The following P4HA2 variants were observed in gnomAD, a reference collection of about 807,000 sequenced individuals.
P4HA2 encodes prolyl 4-hydroxylase subunit alpha 2, also known as prolyl 4-hydroxylase subunit alpha-2.
Under a neutral mutation model 76.9 loss-of-function variants are expected in P4HA2, and 46 were observed. The ratio of observed to expected loss-of-function variants is 0.60; its 90% CI spans 0.47 to 0.76. The LOEUF (loss-of-function observed/expected upper bound fraction) is 0.76, where lower values mean the gene tolerates loss of function less well. Among genes scored for constraint, P4HA2 ranks in the 30% least tolerant of loss-of-function variants. The probability of loss-of-function intolerance (pLI) is 0.00; values close to 1 mark genes in which losing one functional copy is unlikely to be tolerated. For missense variants in P4HA2, 583 were observed against 669.4 expected, an observed-to-expected ratio of 0.87 and a Z score of 1.42; for synonymous variants, 243 against 254.0, an observed-to-expected ratio of 0.96 and a Z score of 0.41.
chr5:132,201,059 C>G (rs1389912047), intron 10 of P4HA2: 1 of 152,210 alleles, frequency 6.6e-6, no homozygotes, highest in Non-Finnish European at 1.5e-5. Context: ...ACGTCAAGAC[C>G]GATTCATGTG....
rs1304892710 is a variant in P4HA2, at chr5:132,191,553, G to GT, written c.*1456dup. On this transcript the variant is annotated 3_prime_UTR_variant, in exon 15 of 15. Coordinates refer to ENST00000360568, the MANE Select transcript of P4HA2 (RefSeq NM_001017974.2). ...AAAAAGATTTCAACATATGAATCTG[G>GT]TGGGGGGACACAAACATTTAGTCCG... 7.1e-6 allele frequency among the ~76,000 whole-genome samples: 1 copy of GT among 141,146 alleles called. No homozygotes were observed. The highest frequency in any genetic ancestry group is 1.5e-5 in the Non-Finnish European group (1 of 65,410). 92.6% of individuals were successfully genotyped at this position (141,146 alleles called of 152,430 possible).
rs572433633 is a variant in P4HA2 at position 132,196,766 on chromosome 5, C to A, written c.1366-1286G>T. ...ATCCCAGCTACTTGGGAGGCTGAGG[C>A]AGGAGAATCGCTTGAACCTGGGAGG... On this transcript the variant is annotated intron_variant, in intron 12 of 14. Coordinates refer to ENST00000360568, the MANE Select transcript of P4HA2 (RefSeq NM_001017974.2). 1.0e-4 allele frequency among the ~76,000 whole-genome samples: 15 copies of A among 147,994 alleles called. No individual in the cohort carries two copies. In the South Asian group the frequency reaches 1.7e-3, roughly 17 times the overall value.
intron 11 of P4HA2, 56 bp downstream of exon 11, chr5:132,198,823 C>G (rs995138424): frequency 4.5e-5 from 56 of 1,238,094 alleles, no homozygotes; most frequent in Non-Finnish European, 6.6e-5. Flanking sequence ...AAGCTCCACC[C>G]TTCTCAAATC....
Position 132,210,138 on chromosome 5 carries a change from T to C in P4HA2, c.709+146A>G, listed in dbSNP as rs1367822213. On this transcript the variant is annotated intron_variant, in intron 6 of 14. Coordinates refer to ENST00000360568, the MANE Select transcript of P4HA2 (RefSeq NM_001017974.2). The stretch of plus-strand genomic sequence containing the variant: ...AGGAGCTAGTAAGAAGCTGGACTGG[T>C]CCTAAAGTCAGTAAGGCATTAGTCA... 6 of 884,808 alleles carry C rather than the reference T, an allele frequency of 6.8e-6. No homozygotes were observed. The Admixed American group carries it at 1.0e-4, about 15-fold the overall frequency. The allele number at this position is 884,808 out of a possible 1,614,324, so 54.8% of individuals were successfully genotyped here.
intron 5 of P4HA2, among the ~76,000 whole-genome samples, chr5:132,212,491 T>C (rs893852421): frequency 2.0e-5 from 3 of 151,934 alleles, no homozygotes; most frequent in Non-Finnish European, 4.4e-5. Flanking sequence ...TGGAGGTCCT[T>C]TTTGCTGAGA....
At position 132,192,919 on chromosome 5, in the gene P4HA2, G is replaced by T; in HGVS notation, c.*91C>A. On this transcript the variant is annotated 3_prime_UTR_variant, in exon 15 of 15. Transcript: ENST00000360568. ...CAAACATTCATTTCTCCAAAAATCAGCCTGATAGGAACATACAAAGGAACA... is the reference window on the plus strand; with the variant it reads ...CAAACATTCATTTCTCCAAAAATCATCCTGATAGGAACATACAAAGGAACA... The T allele has an allele frequency of 1.2e-6, 1 of 849,820 alleles. No individual in the cohort carries two copies. Among genetic ancestry groups the T allele is most frequent in the Non-Finnish European group, 2.0e-6 (1 of 490,576 alleles). The allele number at this position is 849,820 out of a possible 1,614,324, so 52.6% of individuals were successfully genotyped here. A position where few individuals can be genotyped will look rare whatever the true frequency, so the allele number is the denominator to read the frequency against.
chr5:132,218,607 G>A lies in P4HA2; in HGVS notation c.20C>T (p.Ala7Val). The A allele has an allele frequency of 6.2e-7, 1 of 1,613,664 alleles. No individual in the cohort carries two copies. The highest frequency in any genetic ancestry group is 1.1e-5 in the South Asian group (1 of 91,066). The change falls in exon 2 of 15, where the codon GCA (alanine) becomes GTA (valine). Residue 7 changes from alanine (A) to valine (V), a missense_variant. Ala to Val is a moderately conservative substitution (Grantham distance 64). Transcript: ENST00000360568. MKLWVS[A>V]LLMAWFGVLS... Reference sequence around the variant, plus strand: ...GACACCAAACCAGGCCATCAGCAATGCAGACACCCAGAGTTTCATGGTCAC... The same window carrying A: ...GACACCAAACCAGGCCATCAGCAATACAGACACCCAGAGTTTCATGGTCAC...
intron 8 of P4HA2, among the ~76,000 whole-genome samples, chr5:132,206,489 C>T (rs1319523665): frequency 6.6e-6 from 1 of 152,186 alleles, no homozygotes; most frequent in Non-Finnish European, 1.5e-5. Flanking sequence ...TCCTGGTCAC[C>T]TCGGCCCCTA....
Position 132,191,578 on chromosome 5 carries a change from G to A in P4HA2, c.*1432C>T, listed in dbSNP as rs915426471. On this transcript the variant is annotated 3_prime_UTR_variant, in exon 15 of 15. Transcript: ENST00000360568. ...GTGGGGGGACACAAACATTTAGTCC[G>A]TAACATGTACCAAGCTAGCTAAAAT... is the stretch of plus-strand genomic sequence containing the variant. 4.0e-5 allele frequency among the ~76,000 whole-genome samples: 6 copies of A among 150,156 alleles called. No individual in the cohort carries two copies. The highest frequency in any genetic ancestry group is 2.0e-4 in the Admixed American group (3 of 15,110).
intron 2 of P4HA2, 25 bp from the exon 3 acceptor site, chr5:132,217,873 C>A: frequency 1.4e-6 from 2 of 1,398,902 alleles, no homozygotes; most frequent in Non-Finnish European, 2.0e-6. Flanking sequence ...AGAAAGACAC[C>A]AGTGAGAAAC....
intron 1 of P4HA2, among the ~76,000 whole-genome samples, chr5:132,218,988 CCTT>C (rs1754290489): frequency 6.6e-6 from 1 of 152,210 alleles, no homozygotes; most frequent in Admixed American, 6.5e-5. Context: ...CTGGCCCACT[CCTT>C]CTTATTTCAC....
At position 132,209,265 on chromosome 5, in the gene P4HA2, TC is replaced by T; in HGVS notation, c.775del (p.Glu259LysfsTer4). 1 of 1,614,112 alleles carries T rather than the reference TC, an allele frequency of 6.2e-7. No homozygotes were observed. The highest frequency in any genetic ancestry group is 8.5e-7 in the Non-Finnish European group (1 of 1,179,988). ...YFEQLLEEER[E>X]KTLTNQTEAE... ...TTCTGTCTGATTTGTTAACGTTTTTTCTCTCTCTTCCTCCAATAACTGCTCA... is the reference window on the plus strand; with the variant it reads ...TTCTGTCTGATTTGTTAACGTTTTTTTCTCTCTTCCTCCAATAACTGCTCA... On this transcript the variant is annotated frameshift_variant, in exon 7 of 15. Transcript: ENST00000360568. LOFTEE classifies it high-confidence loss of function.
chr5:132,196,064 T>C (rs1172492478), intron 12 of P4HA2, among the ~76,000 whole-genome samples: 1 of 152,186 alleles, frequency 6.6e-6, no homozygotes, highest in African/African-American at 2.4e-5. Context: ...GAACACAAGT[T>C]CCACACTAGC....
At chr5:132,209,114 C>T (rs1204072918) in intron 7 of P4HA2, 24 bp downstream of exon 7, 10 of 1,587,080 alleles carry the variant, frequency 6.3e-6, no homozygotes, top group Non-Finnish European at 8.6e-6. Context: ...AGCTTTGGCA[C>T]CCTAGCCCCC....
intron 8 of P4HA2, 122 bp from the exon 9 acceptor site, chr5:132,204,274 A>G: frequency 1.3e-6 from 1 of 798,486 alleles, no homozygotes; most frequent in East Asian, 2.5e-5. Context: ...CTTTGCAGCC[A>G]ATGGCTCTAG....
intron 14 of P4HA2, among the ~76,000 whole-genome samples, chr5:132,193,894 A>G (rs1308241992): frequency 6.6e-6 from 1 of 152,188 alleles, no homozygotes; most frequent in African/African-American, 2.4e-5. Context: ...CATGTACTTC[A>G]TTGAAAAAAA....
intron 11 of P4HA2, 75 bp downstream of exon 11, chr5:132,198,804 T>C: frequency 3.9e-6 from 4 of 1,023,788 alleles, no homozygotes; most frequent in Non-Finnish European, 6.2e-6. Flanking sequence ...GAGGCTGAAA[T>C]GCTCCTAGAA....
chr5:132,222,803 TG>T (rs1490513246), intron 1 of P4HA2, among the ~76,000 whole-genome samples: 1 of 152,250 alleles, frequency 6.6e-6, no homozygotes, highest in Non-Finnish European at 1.5e-5. Flanking sequence ...CTTCCCCACC[TG>T]GGTACCATCA....
chr5:132,209,403 T>G, intron 6 of P4HA2, 72 bp from the exon 7 acceptor site: 1 of 1,251,522 alleles, frequency 8.0e-7, no homozygotes, highest in Non-Finnish European at 1.1e-6. Flanking sequence ...GAAATTATTC[T>G]GTAAGGGTTT....
Sources: gnomAD v4.1 joint callset for allele counts (sites outside exome capture counted in the v4.1 genomes callset) on GRCh38, gnomAD v4.1.1 for gene constraint, MANE v1.5 for transcripts, NCBI Gene and HGNC (gene_info 2026-07-23, HGNC 2026-07-21) for gene names.